EGR2: variants seen among roughly 807,000 people sequenced by gnomAD.
EGR2 encodes the protein early growth response 2.
A neutral mutation model predicts 21.2 loss-of-function variants in EGR2; 2 were observed. The observed-to-expected ratio is 0.09, with a 90% CI of 0.04 to 0.30. The LOEUF (loss-of-function observed/expected upper bound fraction) is 0.30. Ranked by LOEUF, EGR2 falls within the 10% of genes least tolerant of loss-of-function variation. The probability of loss-of-function intolerance (pLI) is 1.00; values close to 1 mark genes in which losing one functional copy is unlikely to be tolerated. For missense variants in EGR2, 458 were observed against 630.2 expected (o/e 0.73, Z 2.93); for synonymous variants, 282 against 258.2 (o/e 1.09, Z -0.88).
At chr10:62,818,649 T>C (rs1181155428), upstream of EGR2, 1 of 1,259,464 alleles carries the variant, frequency 7.9e-7, no homozygotes, top group Non-Finnish European at 1.0e-6. Context: ...TCTCGGGCCC[T>C]GAGTCCGAAA....
chr10:62,815,038 G>C (rs773902781), intron 1 of EGR2, among the ~76,000 whole-genome samples: 2 of 152,256 alleles, frequency 1.3e-5, no homozygotes, highest in Non-Finnish European at 2.9e-5. Flanking sequence ...GGAGCGAATG[G>C]GGGATGTAGA....
rs1842158698 is a variant in EGR2 at position 62,813,300 on chromosome 10, G to A, written c.1338C>T (p.Gly446=). The A allele has an allele frequency of 5.1e-6, 8 of 1,573,920 alleles. No individual in the cohort carries two copies. Among genetic ancestry groups the A allele is most frequent in the Middle Eastern group, 1.7e-4 (1 of 5,864 alleles). ...TGCACAGGGTACCCCCAGGCTGCAC[G>A]CCCCCAGAGCAGGAGGCTGTAGAGG... ...PAPSTASCSG[G]VQPGGTLCSS... Residue 446 remains glycine (G), a synonymous_variant, in exon 2 of 2, where the codon GGC becomes GGT. Coordinates refer to ENST00000242480, the MANE Select transcript of EGR2 (RefSeq NM_000399.5). This position sits in a 1 kb window ranked among gnomAD's most constrained non-coding sequence, Gnocchi z 5.7.
Position 62,813,022 on chromosome 10 carries a change from A to C in EGR2, c.*185T>G, listed in dbSNP as rs1177270484. 5 of 625,104 alleles carry C rather than the reference A, an allele frequency of 8.0e-6. No homozygotes were observed. Among genetic ancestry groups the C allele is most frequent in the Non-Finnish European group, 1.3e-5 (5 of 384,120 alleles). 38.7% of individuals were successfully genotyped at this position (625,104 alleles called of 1,614,324 possible). ...AGTCAACTCACCTAAGAGAGACTAG[A>C]ATGGGCTAAGTTTTAGGAAGAACCT... On this transcript the variant is annotated 3_prime_UTR_variant, in exon 2 of 2. Transcript: ENST00000242480. The surrounding 1 kb of genome is among the most constrained non-coding windows in gnomAD (Gnocchi z 5.7).
Position 62,812,909 on chromosome 10 carries a change from C to T in EGR2, c.*298G>A, listed in dbSNP as rs975782628. 26 of 309,232 alleles carry T rather than the reference C, an allele frequency of 8.4e-5. No individual in the cohort carries two copies. The highest frequency in any genetic ancestry group is 4.1e-4 in the African/African-American group (19 of 46,708). The allele number at this position is 309,232 out of a possible 1,614,324, so 19.2% of individuals were successfully genotyped here. A position where few individuals can be genotyped will look rare whatever the true frequency, so the allele number is the denominator to read the frequency against. On this transcript the variant is annotated 3_prime_UTR_variant, in exon 2 of 2. Transcript: ENST00000242480. ...GGGGTAGCAAAACCTAGTCAAACAA[C>T]CCTTTAAAGCAGGGTCAGACCTCAG...
chr10:62,813,885 G>A lies in EGR2; in HGVS notation c.753C>T (p.Cys251=), dbSNP rs781325226. The A allele has an allele frequency of 6.2e-7, 1 of 1,614,198 alleles. No homozygotes were observed. The highest frequency in any genetic ancestry group is 8.5e-7 in the Non-Finnish European group (1 of 1,180,036). Reference sequence around the variant, plus strand: ...GGGGCACCCGCAGGGTGTCCAGTGGGCAGGGAAAGGGCTTACGGTCTGGGC... The same window carrying A: ...GGGGCACCCGCAGGGTGTCCAGTGGACAGGGAAAGGGCTTACGGTCTGGGC... The part of the protein sequence containing the change: ...TAGPDRKPFP[C]PLDTLRVPPP... The change falls in exon 2 of 2, where the codon TGC becomes TGT. Residue 251 remains cysteine (C), a synonymous_variant. Transcript: ENST00000242480. The surrounding 1 kb of genome is among the most constrained non-coding windows in gnomAD (Gnocchi z 5.7).
At chr10:62,815,780 T>C (rs778403372) in intron 1 of EGR2, 81 bp downstream of exon 1, 26 of 1,543,134 alleles carry the variant, frequency 1.7e-5, no homozygotes, top group Non-Finnish European at 2.2e-5. Flanking sequence ...AATCCTCTCC[T>C]GCGATTCCCG....
At chr10:62,817,588 T>C (rs2132716426), upstream of EGR2, among the ~76,000 whole-genome samples, 1 of 152,068 alleles carries the variant, frequency 6.6e-6, no homozygotes, top group South Asian at 2.1e-4. This position sits in a 1 kb window ranked among gnomAD's most constrained non-coding sequence, Gnocchi z 4.4. Context: ...CGAGCCAGAA[T>C]ACACGTACTA....
At chr10:62,817,645 A>C (rs1180848507), upstream of EGR2, among the ~76,000 whole-genome samples, 1 of 152,162 alleles carries the variant, frequency 6.6e-6, no homozygotes, top group African/African-American at 2.4e-5. The surrounding 1 kb of genome is among the most constrained non-coding windows in gnomAD (Gnocchi z 4.4). Flanking sequence ...CGGTGAGCCC[A>C]GCGCGGTCCT....
At chr10:62,817,585 G>A (rs475489), upstream of EGR2, among the ~76,000 whole-genome samples, 151,168 of 152,076 alleles carry the variant, frequency 0.99, 75,136 homozygotes, top group East Asian at 1. The surrounding 1 kb of genome is among the most constrained non-coding windows in gnomAD (Gnocchi z 4.4). Context: ...ACCCGAGCCA[G>A]AATACACGTA....
chr10:62,815,672 T>A (rs918349100), intron 1 of EGR2, among the ~76,000 whole-genome samples, 189 bp downstream of exon 1: 16 of 152,238 alleles, frequency 1.1e-4, no homozygotes, highest in African/African-American at 3.6e-4. Context: ...ACCTGGCGCA[T>A]CTGCCCGCGC....
upstream of EGR2, chr10:62,816,502 C>T (rs1321953770): frequency 4.2e-5 from 20 of 472,242 alleles, no homozygotes; most frequent in African/African-American, 2.5e-4. Flanking sequence ...TACACGGGCT[C>T]GGCCGCGCGG....
upstream of EGR2, chr10:62,818,457 C>T (rs754103442): frequency 2.8e-6 from 2 of 711,494 alleles, no homozygotes; most frequent in Non-Finnish European, 3.8e-6. Flanking sequence ...GTAGATACCC[C>T]ACCCCAGCAA....
At position 62,816,351 on chromosome 10, in the gene EGR2, T is replaced by A; in HGVS notation, c.-322A>T. On this transcript the variant is annotated 5_prime_UTR_variant, in exon 1 of 2. Coordinates refer to ENST00000242480, the MANE Select transcript of EGR2 (RefSeq NM_000399.5). ...TCCCCTCGCCGAGCTATTAATCAATTGCTCCTCGCTCAGTTAGACGGAAAG... is the reference window on the plus strand; with the variant it reads ...TCCCCTCGCCGAGCTATTAATCAATAGCTCCTCGCTCAGTTAGACGGAAAG... The A allele has an allele frequency of 8.1e-7, 1 of 1,242,172 alleles. No individual in the cohort carries two copies. Among genetic ancestry groups the A allele is most frequent in the Non-Finnish European group, 1.0e-6 (1 of 978,352 alleles). The allele number at this position is 1,242,172 out of a possible 1,614,324, so 76.9% of individuals were successfully genotyped here.
chr10:62,814,110 G>A lies in EGR2; in HGVS notation c.528C>T (p.Gly176=). 1 of 1,613,944 alleles carries A rather than the reference G, an allele frequency of 6.2e-7. No individual in the cohort carries two copies. Among genetic ancestry groups the A allele is most frequent in the Non-Finnish European group, 8.5e-7 (1 of 1,179,872 alleles). The change falls in exon 2 of 2, where the codon GGC becomes GGT. Residue 176 remains glycine, a synonymous_variant. Transcript: ENST00000242480. This position sits in a 1 kb window ranked among gnomAD's most constrained non-coding sequence, Gnocchi z 4.8. Reference sequence around the variant, plus strand: ...GGTCCTGGTAGAGGTCTCCTGCACAGCCAGAATAAGGAGGAGGAGGCGGTG... The same window carrying A: ...GGTCCTGGTAGAGGTCTCCTGCACAACCAGAATAAGGAGGAGGAGGCGGTG... ...SPPPPPPPYS[G]CAGDLYQDPS... is the part of the protein sequence containing the mutation.
rs1201235010 is a variant in EGR2 at position 62,812,349 on chromosome 10, C to A, written c.*858G>T. Reference sequence around the variant, plus strand: ...AACATTGTCTACATCACACAAGGCACCAAGGACACTTCCAACACAATTGCA... The same window carrying A: ...AACATTGTCTACATCACACAAGGCAACAAGGACACTTCCAACACAATTGCA... On this transcript the variant is annotated 3_prime_UTR_variant, in exon 2 of 2. Coordinates refer to ENST00000242480, the MANE Select transcript of EGR2 (RefSeq NM_000399.5). The A allele has an allele frequency of 2.0e-5, 3 of 152,712 alleles. No homozygotes were observed. The highest frequency in any genetic ancestry group is 4.4e-5 in the Non-Finnish European group (3 of 68,022). 9.5% of individuals were successfully genotyped at this position (152,712 alleles called of 1,614,324 possible).
At chr10:62,818,205 C>A (rs1196471189), upstream of EGR2, among the ~76,000 whole-genome samples, 1 of 152,154 alleles carries the variant, frequency 6.6e-6, no homozygotes, top group African/African-American at 2.4e-5. Flanking sequence ...CAGCTCTCGC[C>A]GGGCCCAGCG....
At chr10:62,817,039 C>T (rs1842287094), upstream of EGR2, among the ~76,000 whole-genome samples, 1 of 152,164 alleles carries the variant, frequency 6.6e-6, no homozygotes, top group South Asian at 2.1e-4. The surrounding 1 kb of genome is among the most constrained non-coding windows in gnomAD (Gnocchi z 4.4). Context: ...GAAAACGGAA[C>T]AGGTTTGGGT....
chr10:62,813,808 C>A lies in EGR2; in HGVS notation c.830G>T (p.Ser277Ile). ...GGCCCCTGGTCCGGTCACCCCAGCA[C>A]TGGGGCCCCCCAGGGTAAAGTTACG... Reference protein sequence around the residue: ...TIRNFTLGGPSAGVTGPGASG... With the variant: ...TIRNFTLGGPIAGVTGPGASG... The change falls in exon 2 of 2, where the codon AGT becomes ATT. Residue 277 changes from serine (S) to isoleucine (I), a missense_variant. By Grantham distance (142) the Ser-to-Ile change is moderately radical. Around this residue, in one of 5 missense-constraint regions of EGR2, gnomAD observed 253 missense variants for 315.5 expected, o/e 0.80. Transcript: ENST00000242480. The surrounding 1 kb of genome is among the most constrained non-coding windows in gnomAD (Gnocchi z 5.7). 1 of 1,613,900 alleles carries A rather than the reference C, an allele frequency of 6.2e-7. No homozygotes were observed. The highest frequency in any genetic ancestry group is 8.5e-7 in the Non-Finnish European group (1 of 1,179,912).
At chr10:62,816,546 C>A (rs979227883), upstream of EGR2, among the ~76,000 whole-genome samples, 3 of 152,126 alleles carry the variant, frequency 2.0e-5, no homozygotes, top group Non-Finnish European at 4.4e-5. Flanking sequence ...AGCTCGCAGG[C>A]GGCGGGGATC....
Sources: allele counts gnomAD v4.1 joint callset (sites outside exome capture counted in the v4.1 genomes callset), GRCh38; gene constraint gnomAD v4.1.1; regional missense constraint gnomAD v4.1.1; non-coding constraint Gnocchi (gnomAD v3.1); transcripts MANE v1.5; gene names NCBI Gene and HGNC (gene_info 2026-07-23, HGNC 2026-07-21).